The following DST variants were observed in gnomAD, a reference collection of about 807,000 sequenced individuals.
DST encodes bullous pemphigoid antigen.
Under a neutral mutation model 875.2 loss-of-function variants are expected in DST, and 253 were observed. The ratio of observed to expected loss-of-function variants is 0.29; its 90% CI spans 0.26 to 0.32. DST has a LOEUF of 0.32. Ranked by LOEUF, DST falls within the 10% of genes least tolerant of loss-of-function variation. The pLI is 1.00. For missense variants in DST, 8,287 were observed against 9,111.6 expected (o/e 0.91, Z 3.68); for synonymous variants, 3,124 against 3,197.1 (o/e 0.98, Z 0.77).
Position 56,851,389 on chromosome 6 carries a change from G to A in DST, c.625+8C>T. 1 of 1,611,580 alleles carries A rather than the reference G, an allele frequency of 6.2e-7. No homozygotes were observed. Among genetic ancestry groups the A allele is most frequent in the Non-Finnish European group, 8.5e-7 (1 of 1,179,262 alleles). The stretch of plus-strand genomic sequence containing the variant: ...CCCCACTCCATCCCCTTCCCCAGAT[G>A]CTCTTACCTGCTATCCGAAGCACTG... On this transcript the variant is annotated splice_region_variant and intron_variant, in intron 4 of 103. Coordinates refer to ENST00000680361, the MANE Select transcript of DST (RefSeq NM_001374736.1).
intron 5 of DST, among the ~76,000 whole-genome samples, chr6:56,718,877 T>G (rs1007364926): frequency 3.3e-5 from 5 of 152,182 alleles, no homozygotes; most frequent in African/African-American, 1.2e-4. Context: ...GGAAACTTTA[T>G]CAGGGGTGGT....
At chr6:56,780,085 A>G (rs1195874692) in intron 4 of DST, among the ~76,000 whole-genome samples, 1 of 151,820 alleles carries the variant, frequency 6.6e-6, no homozygotes, top group African/African-American at 2.4e-5. Context: ...ATAGTATTCC[A>G]TGGTGCATAT....
intron 10 of DST, among the ~76,000 whole-genome samples, chr6:56,663,331 TA>T (rs1240242313): frequency 2.0e-5 from 3 of 152,222 alleles, no homozygotes; most frequent in African/African-American, 7.2e-5. Context: ...GCAAGGTAAA[TA>T]AGCAATTTGA....
chr6:56,482,703 A>G lies in DST; in HGVS notation c.21382T>C (p.Leu7128=). ...CALSISKQTR[L]EAALRQAEEF... ...TTTACCTGACGCAGGGCTGCTTCTA[A>G]CCGTGTTTGCTTTGATATAGAAAGT... The change falls in exon 89 of 104, where the codon TTA becomes CTA. Residue 7128 remains leucine, a synonymous_variant. Coordinates refer to ENST00000680361, the MANE Select transcript of DST (RefSeq NM_001374736.1). 6.2e-7 allele frequency: 1 copy of G among 1,613,452 alleles called. No homozygotes were observed. The highest frequency in any genetic ancestry group is 2.2e-5 in the East Asian group (1 of 44,866).
chr6:56,624,400 T>C, intron 36 of DST, 130 bp downstream of exon 36: 1 of 717,342 alleles, frequency 1.4e-6, no homozygotes. Context: ...TAATTCAATA[T>C]TTATTTGTAC....
intron 36 of DST, chr6:56,619,721 A>G: frequency 1.9e-6 from 3 of 1,614,008 alleles, no homozygotes; most frequent in Non-Finnish European, 2.5e-6. Context: ...AAGCTCTCTG[A>G]GTTGTTGAGA....
At chr6:56,808,325 C>T (rs919656017) in intron 4 of DST, among the ~76,000 whole-genome samples, 2 of 151,200 alleles carry the variant, frequency 1.3e-5, no homozygotes, top group Non-Finnish European at 2.9e-5. Flanking sequence ...CTATAGGAAT[C>T]GTTTATATTT....
intron 4 of DST, among the ~76,000 whole-genome samples, chr6:56,824,805 T>G (rs1375045545): frequency 4.1e-5 from 6 of 145,894 alleles, no homozygotes. Flanking sequence ...AGCCCCTCCG[T>G]CCGGCAGCCG....
At chr6:56,548,475 G>T (rs4712132) in intron 61 of DST, among the ~76,000 whole-genome samples, 113,004 of 152,188 alleles carry the variant, frequency 0.74, 42,120 homozygotes, top group East Asian at 0.8. Flanking sequence ...ATTACTGGGA[G>T]GCATTCCTTG....
intron 3 of DST, among the ~76,000 whole-genome samples, chr6:56,855,466 A>G (rs1190660145): frequency 6.6e-6 from 1 of 152,208 alleles, no homozygotes; most frequent in East Asian, 1.9e-4. Flanking sequence ...GACAGCAGTC[A>G]TCGGGGTGGG....
At chr6:56,858,300 G>A (rs1353939791) in intron 3 of DST, among the ~76,000 whole-genome samples, 1 of 152,184 alleles carries the variant, frequency 6.6e-6, no homozygotes, top group Admixed American at 6.5e-5. Flanking sequence ...TTTCTTTCTA[G>A]GTAGAGAAGC....
intron 61 of DST, chr6:56,542,799 G>A (rs2097155966): frequency 6.6e-6 from 1 of 152,466 alleles, no homozygotes; most frequent in South Asian, 2.1e-4. Context: ...TCTCTCTTCA[G>A]GCACCATCTG....
At position 56,610,456 on chromosome 6, in the gene DST, T is replaced by A; in HGVS notation, c.5254A>T (p.Thr1752Ser). 1 of 1,566,064 alleles carries A rather than the reference T, an allele frequency of 6.4e-7. No individual in the cohort carries two copies. Among genetic ancestry groups the A allele is most frequent in the South Asian group, 1.2e-5 (1 of 84,562 alleles). Residue 1752 changes from threonine (T) to serine (S), a missense_variant, in exon 39 of 104, where the codon ACC becomes TCC. Physicochemically the swap from Thr to Ser is moderately conservative, Grantham distance 58. This residue lies in a region of DST where 3,138 missense variants were observed against 3,116.6 expected (regional missense o/e 1.01). Coordinates refer to ENST00000680361, the MANE Select transcript of DST (RefSeq NM_001374736.1). ...ESLKQLQESQ[T>S]SGDVKVEEKL... The stretch of plus-strand genomic sequence containing the variant: ...TCCTCTACCTTTACATCTCCTGAGG[T>A]TTGTGATTCTTGTAGCTGTTTCAGA...
intron 64 of DST, among the ~76,000 whole-genome samples, chr6:56,532,078 G>A (rs2096905545): frequency 6.6e-6 from 1 of 152,090 alleles, no homozygotes; most frequent in Admixed American, 6.6e-5. Context: ...CTGATGCATG[G>A]TAAGCAGGCA....
chr6:56,553,831 CA>C (rs2097358351), intron 60 of DST, among the ~76,000 whole-genome samples, 176 bp from the exon 61 acceptor site: 1 of 151,918 alleles, frequency 6.6e-6, no homozygotes, highest in Non-Finnish European at 1.5e-5. Flanking sequence ...GGAAAAGAAG[CA>C]AGAAGTAGGC....
chr6:56,550,843 G>C (rs2097309663), intron 61 of DST, among the ~76,000 whole-genome samples: 1 of 152,112 alleles, frequency 6.6e-6, no homozygotes, highest in Non-Finnish European at 1.5e-5. Flanking sequence ...ACTGACGAAG[G>C]AAGAGTTGCT....
rs1461679972 is a variant in DST, at chr6:56,482,067, G to C, written c.21514C>G (p.Leu7172Val). ...TTACTCACTTTATGCTGATCAATGA[G>C]AGTCCGGAGAGCATCCTCATCATCT... ...LPDDEDALRT[L>V]IDQHKEFMKK... The change falls in exon 90 of 104, where the codon CTC (leucine) becomes GTC (valine). Residue 7172 changes from leucine (L) to valine (V), a missense_variant. Leu to Val is a conservative substitution (Grantham distance 32). This residue lies in a region of DST where 1,292 missense variants were observed against 1,552.7 expected (regional missense o/e 0.83). Coordinates refer to ENST00000680361, the MANE Select transcript of DST (RefSeq NM_001374736.1). 2.5e-6 allele frequency: 4 copies of C among 1,613,382 alleles called. No homozygotes were observed. The highest frequency in any genetic ancestry group is 3.4e-6 in the Non-Finnish European group (4 of 1,179,808).
chr6:56,482,582 G>C, intron 89 of DST, 101 bp downstream of exon 89: 4 of 1,202,602 alleles, frequency 3.3e-6, no homozygotes, highest in Non-Finnish European at 4.7e-6. Context: ...AGACTGTCCT[G>C]ATTGAGACAC....
rs2098476222 is a variant in DST, at chr6:56,604,464, A to C, written c.10164T>G (p.Asn3388Lys). 5.0e-6 allele frequency: 8 copies of C among 1,610,692 alleles called. No individual in the cohort carries two copies. In the East Asian group the frequency reaches 1.8e-4, roughly 36 times the overall value. ...GTGATGTGGTAATCCTTTTAATTAAATTTTGAATTAAAATTTTAGTGTCTG... is the reference window on the plus strand; with the variant it reads ...GTGATGTGGTAATCCTTTTAATTAACTTTTGAATTAAAATTTTAGTGTCTG... ...ACADTKILIQ[N>K]LIKRITTSQL... Residue 3388 changes from asparagine to lysine, a missense_variant, in exon 40 of 104, where the codon AAT becomes AAG. Transcript: ENST00000680361.
Sources: allele counts gnomAD v4.1 joint callset (sites outside exome capture counted in the v4.1 genomes callset), GRCh38; gene constraint gnomAD v4.1.1; regional missense constraint gnomAD v4.1.1; transcripts MANE v1.5; gene names NCBI Gene and HGNC (gene_info 2026-07-23, HGNC 2026-07-21).